KRT32: variants seen among roughly 807,000 people sequenced by gnomAD.
The protein encoded by KRT32 is keratin 32.
KRT32 carries 44 observed loss-of-function variants against 41.8 expected under a neutral mutation model. The observed-to-expected ratio is 1.05, with a 90% CI of 0.83 to 1.35. The LOEUF is 1.35. Ranked by LOEUF, KRT32 falls within the 40% of genes most tolerant of loss-of-function variation. KRT32 has a pLI of 0.00. For missense variants in KRT32, 576 were observed against 584.6 expected, an observed-to-expected ratio of 0.99 and a Z score of 0.15; for synonymous variants, 238 against 242.5, an observed-to-expected ratio of 0.98 and a Z score of 0.17.
In KRT32 at chr17:41,464,438, G is replaced by A. The variant is rs773349020; in HGVS notation, c.714C>T (p.Val238=). The A allele has an allele frequency of 2.3e-5, 36 of 1,556,004 alleles. No homozygotes were observed. Among genetic ancestry groups the A allele is most frequent in the South Asian group, 2.5e-5 (2 of 81,300 alleles). The change falls in exon 4 of 7, where the codon GTC becomes GTT. Residue 238 remains valine, a synonymous_variant. Coordinates refer to ENST00000225899, the MANE Select transcript of KRT32 (RefSeq NM_002278.3). ...CCCCAAGCTGGCATCGAAGGGAACC[G>A]ACTTCCTGAAAAGGCACAAGACCTC... is the stretch of plus-strand genomic sequence containing the variant. ...MCLKKNHEEE[V]GSLRCQLGDR...
At chr17:41,463,814 T>C (rs2019033643) in intron 5 of KRT32, among the ~76,000 whole-genome samples, 1 of 152,174 alleles carries the variant, frequency 6.6e-6, no homozygotes, top group Admixed American at 6.5e-5. Flanking sequence ...ATCCATAGGT[T>C]TGGAAGGGCA....
intron 6 of KRT32, 105 bp downstream of exon 6, chr17:41,462,725 A>G (rs2019014836): frequency 2.4e-6 from 3 of 1,248,004 alleles, no homozygotes; most frequent in Admixed American, 4.2e-5. Flanking sequence ...CATAGTCAGG[A>G]CAGGGTTCTA....
intron 6 of KRT32, among the ~76,000 whole-genome samples, chr17:41,462,625 T>A (rs2071564): frequency 2.0e-5 from 3 of 152,114 alleles, no homozygotes; most frequent in Admixed American, 6.5e-5. Flanking sequence ...TGGAATGAGA[T>A]AGAATGGTCT....
In KRT32 at chr17:41,460,187, G is replaced by T; in HGVS notation, c.1270C>A (p.Pro424Thr). 1 of 1,612,476 alleles carries T rather than the reference G, an allele frequency of 6.2e-7. No individual in the cohort carries two copies. ...ACACAGACGGTGCGGGGCACGCATG[G>T]GGAGGGCACACAGGTGGTGCAGGAA... ...TPSCTTCVPS[P>T]CVPRTVCVPR... The change falls in exon 7 of 7, where the codon CCA (proline) becomes ACA (threonine). Residue 424 changes from proline to threonine, a missense_variant. Transcript: ENST00000225899.
At chr17:41,462,496 T>C (rs576836996) in intron 6 of KRT32, among the ~76,000 whole-genome samples, 1 of 152,320 alleles carries the variant, frequency 6.6e-6, no homozygotes, top group East Asian at 1.9e-4. Flanking sequence ...CAGTCACCTG[T>C]CTGCCTATCT....
chr17:41,461,195 A>C (rs1026233967), intron 6 of KRT32, among the ~76,000 whole-genome samples: 1 of 152,220 alleles, frequency 6.6e-6, no homozygotes, highest in African/African-American at 2.4e-5. Flanking sequence ...CGTGAGTAGT[A>C]ATCATTCTAT....
At position 41,459,953 on chromosome 17, in the gene KRT32, T is replaced by C; in HGVS notation, c.*157A>G. ...AGGCAGTTTTGAAGTGATGAGGGCT[T>C]AAGTATCCCCTGGAGTATCAGAGCT... On this transcript the variant is annotated 3_prime_UTR_variant, in exon 7 of 7. Transcript: ENST00000225899. 4.2e-6 allele frequency: 3 copies of C among 708,488 alleles called. No homozygotes were observed. The highest frequency in any genetic ancestry group is 6.8e-6 in the Non-Finnish European group (3 of 442,236). 43.9% of individuals were successfully genotyped at this position (708,488 alleles called of 1,614,324 possible).
At chr17:41,465,418 G>GA (rs142027845) in intron 3 of KRT32, among the ~76,000 whole-genome samples, 14,722 of 151,844 alleles carry the variant, frequency 0.097, 2,381 homozygotes, top group African/African-American at 0.34. Flanking sequence ...GCTCTCGAGA[G>GA]AAAAAAATGC....
chr17:41,465,999 C>T (rs1429268084), intron 2 of KRT32, 70 bp from the exon 3 acceptor site: 16 of 1,600,104 alleles, frequency 1.0e-5, no homozygotes, highest in Middle Eastern at 1.7e-4. Context: ...CTTAAACTGC[C>T]GGCACTTTCC....
At chr17:41,466,784 G>C (rs1198475223) in intron 1 of KRT32, 74 bp downstream of exon 1, 1 of 1,098,956 alleles carries the variant, frequency 9.1e-7, no homozygotes, top group Non-Finnish European at 1.3e-6. Flanking sequence ...ATAAGCTAAC[G>C]AGATTCCAAT....
Position 41,460,094 on chromosome 17 carries a change from C to T in KRT32, c.*16G>A. The T allele has an allele frequency of 6.3e-7, 1 of 1,588,306 alleles. No individual in the cohort carries two copies. Among genetic ancestry groups the T allele is most frequent in the South Asian group, 1.2e-5 (1 of 86,278 alleles). ...CCAGCCCCAGGCCCTCCAGGATCCA[C>T]TGGCACAAAGGGACTTCAGTAGCGG... On this transcript the variant is annotated 3_prime_UTR_variant, in exon 7 of 7. Coordinates refer to ENST00000225899, the MANE Select transcript of KRT32 (RefSeq NM_002278.3).
chr17:41,460,590 AAC>A (rs2018992556), intron 6 of KRT32, among the ~76,000 whole-genome samples: 1 of 152,198 alleles, frequency 6.6e-6, no homozygotes, highest in Non-Finnish European at 1.5e-5. Flanking sequence ...TCAGCAAACT[AAC>A]ACAGGAACAG....
Position 41,465,774 on chromosome 17 carries a change from T to C in KRT32, c.707A>G (p.Glu236Gly). The C allele has an allele frequency of 6.2e-7, 1 of 1,608,098 alleles. No homozygotes were observed. Among genetic ancestry groups the C allele is most frequent in the African/African-American group, 1.3e-5 (1 of 74,854 alleles). The change falls in exon 3 of 7, where the codon GAG becomes GGG. Residue 236 changes from glutamate to glycine, a missense_variant and splice_region_variant. Glu to Gly is a moderately conservative substitution (Grantham distance 98). Coordinates refer to ENST00000225899, the MANE Select transcript of KRT32 (RefSeq NM_002278.3). ...CTTCAGCGGGACTTCCAGCCTCACC[T>C]CCTCATGGTTCTTTTTGAGGCACAT... is the stretch of plus-strand genomic sequence containing the variant. ...ELMCLKKNHEEEVGSLRCQLG... is the reference protein window; with the variant it reads ...ELMCLKKNHEGEVGSLRCQLG...
chr17:41,464,442 T>C lies in KRT32; in HGVS notation c.710A>G (p.Glu237Gly). Residue 237 changes from glutamate to glycine, a missense_variant and splice_region_variant, in exon 4 of 7, where the codon GAA becomes GGA. Coordinates refer to ENST00000225899, the MANE Select transcript of KRT32 (RefSeq NM_002278.3). ...AAGCTGGCATCGAAGGGAACCGACTTCCTGAAAAGGCACAAGACCTCCAGA... is the reference window on the plus strand; with the variant it reads ...AAGCTGGCATCGAAGGGAACCGACTCCCTGAAAAGGCACAAGACCTCCAGA... ...LMCLKKNHEEEVGSLRCQLGD... is the reference protein window; with the variant it reads ...LMCLKKNHEEGVGSLRCQLGD... 6.4e-7 allele frequency: 1 copy of C among 1,551,110 alleles called. No individual in the cohort carries two copies. Among genetic ancestry groups the C allele is most frequent in the Non-Finnish European group, 8.7e-7 (1 of 1,150,542 alleles).
At position 41,459,996 on chromosome 17, in the gene KRT32, G is replaced by T. The variant is rs9893325; in HGVS notation, c.*114C>A. ...TCAGAGCTTGTTGCAGGTGATCCAC[G>T]GTCCTGCTCAGGGTCTTCCTTGCTG... On this transcript the variant is annotated 3_prime_UTR_variant, in exon 7 of 7. Transcript: ENST00000225899. 3,627 of 1,139,706 alleles carry T rather than the reference G, an allele frequency of 3.2e-3. 94 individuals carry two copies. In the African/African-American group the frequency reaches 0.051, roughly 16 times the overall value. 70.6% of individuals were successfully genotyped at this position (1,139,706 alleles called of 1,614,324 possible).
chr17:41,460,023 C>T lies in KRT32; in HGVS notation c.*87G>A. 1 of 1,402,486 alleles carries T rather than the reference C, an allele frequency of 7.1e-7. No homozygotes were observed. The highest frequency in any genetic ancestry group is 9.5e-7 in the Non-Finnish European group (1 of 1,053,792). 86.9% of individuals were successfully genotyped at this position (1,402,486 alleles called of 1,614,324 possible). The stretch of plus-strand genomic sequence containing the variant: ...TCCTGCTCAGGGTCTTCCTTGCTGA[C>T]CGGGGCTGGCCCTGCTCTTCTGGTG... On this transcript the variant is annotated 3_prime_UTR_variant, in exon 7 of 7. Transcript: ENST00000225899.
intron 6 of KRT32, among the ~76,000 whole-genome samples, chr17:41,461,217 TC>T (rs1464719390): frequency 6.6e-6 from 1 of 152,092 alleles, no homozygotes; most frequent in African/African-American, 2.4e-5. Flanking sequence ...ATGGTCTGTC[TC>T]CCCGGCCAAG....
Position 41,467,320 on chromosome 17 carries a change from T to C in KRT32, c.6A>G (p.Thr2=), listed in dbSNP as rs910420489. The C allele has an allele frequency of 8.7e-6, 14 of 1,604,812 alleles. No homozygotes were observed. Among genetic ancestry groups the C allele is most frequent in the Non-Finnish European group, 1.2e-5 (14 of 1,175,042 alleles). Residue 2 remains threonine, a synonymous_variant, in exon 1 of 7, where the codon ACA becomes ACG. Transcript: ENST00000225899. ...AGTTGTTGGTGACACAGCAGGAGGA[T>C]GTCATGTTGGAGAGGCCCTTTCTCC... M[T]SSCCVTNNLQ...
Position 41,464,384 on chromosome 17 carries a change from T to C in KRT32, c.768A>G (p.Ala256=). The change falls in exon 4 of 7, where the codon GCA becomes GCG. Residue 256 remains alanine (A), a synonymous_variant. Coordinates refer to ENST00000225899, the MANE Select transcript of KRT32 (RefSeq NM_002278.3). The stretch of plus-strand genomic sequence containing the variant: ...GCACCCTGGTCAGGTCCACCGGGGG[T>C]GCAGCGTCCACCTCGATGTTAAGGC... ...GDRLNIEVDA[A]PPVDLTRVLE... 6.2e-7 allele frequency: 1 copy of C among 1,608,428 alleles called. No homozygotes were observed. The highest frequency in any genetic ancestry group is 8.5e-7 in the Non-Finnish European group (1 of 1,177,160).
Sources: gnomAD v4.1 joint callset for allele counts (sites outside exome capture counted in the v4.1 genomes callset) on GRCh38, gnomAD v4.1.1 for gene constraint, MANE v1.5 for transcripts, NCBI Gene and HGNC (gene_info 2026-07-23, HGNC 2026-07-21) for gene names.